The following PXT1 variants were observed in gnomAD, a reference collection of about 807,000 sequenced individuals.
PXT1 encodes the protein peroxisomal testis-specific protein 1.
Under a neutral mutation model 11.0 loss-of-function variants are expected in PXT1, and 11 were observed. The observed-to-expected ratio is 1.00, with a 90% confidence interval of 0.63 to 1.66. The LOEUF is 1.66. Ranked by LOEUF, PXT1 falls within the 40% of genes most tolerant of loss-of-function variation. The pLI is 0.00. For synonymous variants in PXT1, 43 were observed against 51.4 expected (o/e 0.84, Z 0.70); for missense variants, 141 against 155.5 (o/e 0.91, Z 0.49).
At chr6:36,392,542 T>C (rs2127408753) in intron 4 of PXT1, among the ~76,000 whole-genome samples, 1 of 152,192 alleles carries the variant, frequency 6.6e-6, no homozygotes, top group South Asian at 2.1e-4. Flanking sequence ...ACACCTGTAG[T>C]CCCAGCTACT....
chr6:36,391,791 G>A lies in PXT1; in HGVS notation c.384C>T (p.Phe128=). The change falls in exon 5 of 5, where the codon TTC becomes TTT. Residue 128 remains phenylalanine (F), a synonymous_variant. Coordinates refer to ENST00000454782, the MANE Select transcript of PXT1 (RefSeq NM_152990.4). The part of the protein sequence containing the change: ...FRRVQVLLHF[F]WNNHLL Reference sequence around the variant, plus strand: ...CCTTTTACAGCAAATGGTTGTTCCAGAAAAAATGCAGCAACACCTGAACTC... The same window carrying A: ...CCTTTTACAGCAAATGGTTGTTCCAAAAAAAATGCAGCAACACCTGAACTC... 1 of 1,612,340 alleles carries A rather than the reference G, an allele frequency of 6.2e-7. No individual in the cohort carries two copies. Among genetic ancestry groups the A allele is most frequent in the Non-Finnish European group, 8.5e-7 (1 of 1,179,038 alleles).
intron 1 of PXT1, among the ~76,000 whole-genome samples, chr6:36,439,834 C>T (rs569760377): frequency 2.0e-5 from 3 of 152,230 alleles, no homozygotes; most frequent in Admixed American, 1.3e-4. Flanking sequence ...CAGCCTCCGC[C>T]GAAACCCAGC....
chr6:36,400,704 C>T (rs1774201627), intron 3 of PXT1, 120 bp from the exon 4 acceptor site: 1 of 1,076,142 alleles, frequency 9.3e-7, no homozygotes, highest in East Asian at 3.1e-5. Context: ...TGCAGTGGCT[C>T]ACGCCTGTAA....
rs1774130022 is a variant in PXT1 at position 36,395,492 on chromosome 6, G to GTTT, written c.301-3619_301-3618insAAA. On this transcript the variant is annotated intron_variant, in intron 4 of 4. Transcript: ENST00000454782. ...TTCAGCATTTCAGAGCCAAACTTAG[G>GTTT]ATTTTTTTTTTTTTTTTTTTTTTTT... Among the ~76,000 whole-genome samples, 6 of 96,828 alleles carry GTTT rather than the reference G, an allele frequency of 6.2e-5. No individual in the cohort carries two copies. In the East Asian group the frequency reaches 1.0e-3, roughly 16 times the overall value. 63.5% of individuals were successfully genotyped at this position (96,828 alleles called of 152,430 possible).
chr6:36,392,976 C>CT (rs879755090), intron 4 of PXT1: 467 of 145,508 alleles, frequency 3.2e-3, no homozygotes, highest in South Asian at 7.4e-3. Flanking sequence ...CTGACCATAT[C>CT]TTTTTTTTTT....
chr6:36,439,513 T>C (rs1370886332), intron 1 of PXT1, among the ~76,000 whole-genome samples: 1 of 151,508 alleles, frequency 6.6e-6, no homozygotes, highest in Admixed American at 6.6e-5. Flanking sequence ...CTTGGGAGGC[T>C]GAGGTAGGAT....
chr6:36,400,634 G>A, intron 3 of PXT1, 50 bp from the exon 4 acceptor site: 1 of 1,551,716 alleles, frequency 6.4e-7, no homozygotes, highest in Non-Finnish European at 8.7e-7. Flanking sequence ...TTAATTATCT[G>A]TAAAATCACT....
chr6:36,416,556 T>G (rs1274992417), intron 3 of PXT1, among the ~76,000 whole-genome samples: 1 of 152,242 alleles, frequency 6.6e-6, no homozygotes, highest in African/African-American at 2.4e-5. Flanking sequence ...AAGTTCTGTC[T>G]CAGTCACTTT....
At chr6:36,401,214 T>A (rs1330194022) in intron 3 of PXT1, among the ~76,000 whole-genome samples, 1 of 151,992 alleles carries the variant, frequency 6.6e-6, no homozygotes, top group African/African-American at 2.4e-5. Context: ...TTTACATTTT[T>A]AAATTATACC....
intron 3 of PXT1, among the ~76,000 whole-genome samples, chr6:36,400,978 AAAAG>A (rs1425706711): frequency 1.3e-5 from 2 of 152,138 alleles, no homozygotes; most frequent in Non-Finnish European, 2.9e-5. Context: ...CTCAAAAAAA[AAAAG>A]AGTTGAAATT....
intron 3 of PXT1, among the ~76,000 whole-genome samples, chr6:36,416,643 CATT>C (rs1040022041): frequency 6.6e-6 from 1 of 152,208 alleles, no homozygotes; most frequent in African/African-American, 2.4e-5. Flanking sequence ...ACCTTCTGAT[CATT>C]ATGACTATTA....
chr6:36,427,191 C>T lies in PXT1; in HGVS notation c.-9-1100G>A, dbSNP rs747332228. ...CTAATTTTTATATTTTTAGTAGAGA[C>T]GGGGTTTCACCATATTGGCCAGGCT... is the stretch of plus-strand genomic sequence containing the variant. On this transcript the variant is annotated intron_variant, in intron 2 of 4. Coordinates refer to ENST00000454782, the MANE Select transcript of PXT1 (RefSeq NM_152990.4). Among the ~76,000 whole-genome samples, 121 of 151,710 alleles carry T rather than the reference C, an allele frequency of 8.0e-4. 2 individuals are homozygous for T. The highest frequency in any genetic ancestry group is 2.9e-4 in the Non-Finnish European group (20 of 67,942).
chr6:36,415,466 T>A (rs867262948), intron 3 of PXT1, among the ~76,000 whole-genome samples: 43 of 152,054 alleles, frequency 2.8e-4, no homozygotes, highest in African/African-American at 8.0e-4. Context: ...AATTAATTAA[T>A]TAAATAAAAC....
At chr6:36,427,015 C>CT (rs71768864) in intron 2 of PXT1, among the ~76,000 whole-genome samples, 2,200 of 141,112 alleles carry the variant, frequency 0.016, 53 homozygotes, top group African/African-American at 0.043. Flanking sequence ...CTTTTTTTTT[C>CT]TTTTTTTTTT....
At chr6:36,431,799 G>C (rs1168844741) in intron 2 of PXT1, among the ~76,000 whole-genome samples, 1 of 152,006 alleles carries the variant, frequency 6.6e-6, no homozygotes, top group African/African-American at 2.4e-5. Flanking sequence ...AACCAGGCGT[G>C]GTGGCTTATG....
chr6:36,427,072 G>A (rs1042403703), intron 2 of PXT1, among the ~76,000 whole-genome samples: 12 of 148,172 alleles, frequency 8.1e-5, no homozygotes, highest in African/African-American at 3.0e-4. Flanking sequence ...TGCAGATCTC[G>A]GCTCACTGCA....
At chr6:36,425,805 A>AATATATAT (rs148236984) in intron 3 of PXT1, 109 bp downstream of exon 3, 3 of 335,614 alleles carry the variant, frequency 8.9e-6, no homozygotes, top group South Asian at 6.7e-5. Context: ...AAAAACAAAA[A>AATATATAT]ATATATATAT....
At chr6:36,409,054 C>T (rs974732640) in intron 3 of PXT1, among the ~76,000 whole-genome samples, 3 of 152,110 alleles carry the variant, frequency 2.0e-5, no homozygotes, top group Non-Finnish European at 4.4e-5. Flanking sequence ...CTTTCCACTG[C>T]CAGGCATAAT....
rs147402532 is a variant in PXT1, at chr6:36,397,450, G to C, written c.300+3004C>G. Reference sequence around the variant, plus strand: ...CAACAACAAAATCCAAATGGTGTTGGGACAACAACCCATATGCAAAAAAAT... The same window carrying C: ...CAACAACAAAATCCAAATGGTGTTGCGACAACAACCCATATGCAAAAAAAT... On this transcript the variant is annotated intron_variant, in intron 4 of 4. Transcript: ENST00000454782. Among the ~76,000 whole-genome samples the C allele has an allele frequency of 2.7e-3, 403 of 151,704 alleles. 3 individuals are homozygous for C. Among genetic ancestry groups the C allele is most frequent in the African/African-American group, 9.3e-3 (383 of 41,314 alleles).
Sources: gnomAD v4.1 joint callset for allele counts (sites outside exome capture counted in the v4.1 genomes callset) on GRCh38, gnomAD v4.1.1 for gene constraint, MANE v1.5 for transcripts, NCBI Gene and HGNC (gene_info 2026-07-23, HGNC 2026-07-21) for gene names.